The following NCAM1 variants were observed in gnomAD, a reference collection of about 807,000 sequenced individuals.
NCAM1 encodes the protein neural cell adhesion molecule 1, also known as antigen recognized by monoclonal antibody 5.1H11.
A neutral mutation model predicts 109.8 loss-of-function variants in NCAM1; 14 were observed. The ratio of observed to expected loss-of-function variants is 0.13; its 90% CI spans 0.08 to 0.20. The LOEUF (loss-of-function observed/expected upper bound fraction) is 0.20. Ranked by LOEUF, NCAM1 falls within the 10% of genes least tolerant of loss-of-function variation. NCAM1 has a pLI of 1.00. For missense variants in NCAM1, 774 were observed against 1,109.9 expected, an observed-to-expected ratio of 0.70 and a Z score of 4.30; for synonymous variants, 418 against 442.9, an observed-to-expected ratio of 0.94 and a Z score of 0.70.
At chr11:113,060,073 TAA>T (rs1953861691) in intron 1 of NCAM1, among the ~76,000 whole-genome samples, 1 of 152,186 alleles carries the variant, frequency 6.6e-6, no homozygotes. Flanking sequence ...CTGGCTGAAA[TAA>T]AAGAGTTGAA....
intron 11 of NCAM1, 61 bp downstream of exon 11, chr11:113,232,415 C>T: frequency 6.7e-7 from 1 of 1,481,840 alleles, no homozygotes. Flanking sequence ...AGGTGGGCTC[C>T]AAAATGCAGC....
At chr11:113,059,769 G>A (rs993140449) in intron 1 of NCAM1, among the ~76,000 whole-genome samples, 7 of 152,208 alleles carry the variant, frequency 4.6e-5, no homozygotes, top group Non-Finnish European at 1.0e-4. Context: ...GTGAGATTGG[G>A]ACATTGTGGC....
intron 9 of NCAM1, among the ~76,000 whole-genome samples, chr11:113,227,470 C>G (rs1215066838): frequency 2.6e-5 from 4 of 152,144 alleles, no homozygotes; most frequent in Admixed American, 2.0e-4. Flanking sequence ...AGTCCAGGAC[C>G]AGACAGATTC....
intron 1 of NCAM1, among the ~76,000 whole-genome samples, chr11:113,028,839 T>C (rs1215075859): frequency 6.6e-6 from 1 of 152,214 alleles, no homozygotes; most frequent in Non-Finnish European, 1.5e-5. Context: ...TTATTTTTCC[T>C]TTTATTCTCA....
chr11:112,987,645 T>G (rs1565366243), intron 1 of NCAM1, among the ~76,000 whole-genome samples: 1 of 152,122 alleles, frequency 6.6e-6, no homozygotes, highest in Non-Finnish European at 1.5e-5. Flanking sequence ...TGTAATGGCC[T>G]TTTTTGTCTC....
intron 1 of NCAM1, among the ~76,000 whole-genome samples, chr11:113,196,141 A>T (rs1410730575): frequency 6.6e-6 from 1 of 152,194 alleles, no homozygotes; most frequent in Non-Finnish European, 1.5e-5. Flanking sequence ...TCAGAGCTGG[A>T]ATTTGAACTC....
At chr11:113,229,354 A>G (rs2137200336) in intron 9 of NCAM1, among the ~76,000 whole-genome samples, 1 of 152,398 alleles carries the variant, frequency 6.6e-6, no homozygotes, top group East Asian at 1.9e-4. Context: ...ACTGGCCATC[A>G]GAGAAATGCA....
chr11:113,068,507 T>G (rs1938089037), intron 1 of NCAM1, among the ~76,000 whole-genome samples: 2 of 152,158 alleles, frequency 1.3e-5, no homozygotes, highest in Non-Finnish European at 1.5e-5. Flanking sequence ...TTGGAGAATA[T>G]TAGAGTTCTG....
intron 1 of NCAM1, among the ~76,000 whole-genome samples, chr11:113,036,526 C>T (rs1952892231): frequency 6.6e-6 from 1 of 152,054 alleles, no homozygotes; most frequent in Non-Finnish European, 1.5e-5. Context: ...TTGCCGTTGC[C>T]CCTGCCGCCT....
Position 113,211,540 on chromosome 11 carries a change from G to C in NCAM1, c.917-2829G>C, listed in dbSNP as rs146345565. Among the ~76,000 whole-genome samples, 4 of 152,082 alleles carry C rather than the reference G, an allele frequency of 2.6e-5. No homozygotes were observed. In the East Asian group the frequency reaches 5.8e-4, roughly 22 times the overall value. ...AATTTGGCAGTGAATTCTCATTACTGTTGTCCCTACACGTGCCCCTGAAGA... is the reference window on the plus strand; with the variant it reads ...AATTTGGCAGTGAATTCTCATTACTCTTGTCCCTACACGTGCCCCTGAAGA... On this transcript the variant is annotated intron_variant, in intron 7 of 19. Transcript: ENST00000316851.
At chr11:113,093,416 A>G (rs1555089725) in intron 1 of NCAM1, among the ~76,000 whole-genome samples, 1 of 152,062 alleles carries the variant, frequency 6.6e-6, no homozygotes, top group East Asian at 1.9e-4. Flanking sequence ...ACCAATTGGA[A>G]TGGGAGACTT....
At chr11:113,237,897 G>GAT (rs1565521217) in intron 14 of NCAM1, among the ~76,000 whole-genome samples, 2 of 84,720 alleles carry the variant, frequency 2.4e-5, no homozygotes, top group African/African-American at 9.9e-5. Context: ...TATAGATATA[G>GAT]ATATATAGAT....
chr11:113,261,970 C>T (rs1453910125), intron 17 of NCAM1, among the ~76,000 whole-genome samples: 1 of 152,100 alleles, frequency 6.6e-6, no homozygotes, highest in Non-Finnish European at 1.5e-5. Flanking sequence ...TCTTGTGAAT[C>T]GCCCAGGTGC....
rs148885528 is a variant in NCAM1 at position 112,986,788 on chromosome 11, C to T, written c.52+25124C>T. On this transcript the variant is annotated intron_variant, in intron 1 of 19. Transcript: ENST00000316851. ...GATTTTATTTATTTCATTCTTCTCT[C>T]TCTTTTTTTAGTTAGCCTAGCAAAA... Among the ~76,000 whole-genome samples the T allele has an allele frequency of 2.3e-3, 353 of 151,874 alleles. 1 individual carries two copies. Among genetic ancestry groups the T allele is most frequent in the Non-Finnish European group, 4.2e-3 (284 of 67,896 alleles).
chr11:113,132,657 CG>C (rs1180055618), intron 1 of NCAM1, among the ~76,000 whole-genome samples: 5 of 136,158 alleles, frequency 3.7e-5, no homozygotes, highest in African/African-American at 1.5e-4. Context: ...TGTGTCAGAG[CG>C]GGGGTGGGGG....
chr11:113,114,115 T>C (rs1940573361), intron 1 of NCAM1, among the ~76,000 whole-genome samples: 1 of 152,236 alleles, frequency 6.6e-6, no homozygotes, highest in African/African-American at 2.4e-5. Flanking sequence ...TTGTGTGATT[T>C]GATGGTGGTT....
intron 1 of NCAM1, among the ~76,000 whole-genome samples, chr11:112,986,545 T>A (rs1239635476): frequency 1.3e-5 from 2 of 152,098 alleles, no homozygotes; most frequent in Non-Finnish European, 2.9e-5. Context: ...GGCCCTGGGC[T>A]TTTCTTTGAT....
At chr11:113,221,535 C>T in intron 9 of NCAM1, 2 of 503,012 alleles carry the variant, frequency 4.0e-6, no homozygotes, top group Non-Finnish European at 7.1e-6. Context: ...CATATTATTT[C>T]CTAAAACTGG....
intron 1 of NCAM1, among the ~76,000 whole-genome samples, chr11:112,972,539 C>A: frequency 6.6e-6 from 1 of 152,012 alleles, no homozygotes; most frequent in African/African-American, 2.4e-5. Context: ...GGTATAATCC[C>A]AATCTTGTTA....
Sources: allele counts gnomAD v4.1 joint callset (sites outside exome capture counted in the v4.1 genomes callset), GRCh38; gene constraint gnomAD v4.1.1; transcripts MANE v1.5; gene names NCBI Gene and HGNC (gene_info 2026-07-23, HGNC 2026-07-21).